IRAK2: variants seen among roughly 807,000 people sequenced by gnomAD.
IRAK2 encodes interleukin-1 receptor-associated kinase-like 2.
IRAK2 carries 57 observed loss-of-function variants against 72.0 expected under a neutral mutation model. That is an observed-to-expected ratio of 0.79 (90% CI 0.64 to 0.99). The LOEUF is 0.99. IRAK2 is among the 50% of genes least tolerant of loss of function. The pLI is 0.00. For synonymous variants in IRAK2, 293 were observed against 312.7 expected, an observed-to-expected ratio of 0.94 and a Z score of 0.67; for missense variants, 790 against 794.4, an observed-to-expected ratio of 0.99 and a Z score of 0.07.
rs747120895 is a variant in IRAK2, at chr3:10,238,732, C to A, written c.1474-16C>A. On this transcript the variant is annotated splice_polypyrimidine_tract_variant and intron_variant, in intron 11 of 12. Coordinates refer to ENST00000256458, the MANE Select transcript of IRAK2 (RefSeq NM_001570.4). ...GAGAATTCCTGATGAGCTCCCTTCT[C>A]TCTCTTCTCCCAAAGGTGTGTGGCT... 2 of 1,609,576 alleles carry A rather than the reference C, an allele frequency of 1.2e-6. No homozygotes were observed. The highest frequency in any genetic ancestry group is 2.2e-5 in the South Asian group (2 of 90,952).
At chr3:10,197,724 C>T (rs368874259) in intron 2 of IRAK2, among the ~76,000 whole-genome samples, 2 of 148,066 alleles carry the variant, frequency 1.4e-5, no homozygotes, top group Non-Finnish European at 3.0e-5. Flanking sequence ...TGGTGGTGGG[C>T]GCCTATAGTC....
At chr3:10,238,093 T>TAC (rs1013633252) in intron 11 of IRAK2, among the ~76,000 whole-genome samples, 12 of 151,656 alleles carry the variant, frequency 7.9e-5, no homozygotes, top group Non-Finnish European at 1.3e-4. Flanking sequence ...CTTAAACTCT[T>TAC]ACACACACAC....
At chr3:10,213,047 C>T (rs1487125367) in intron 4 of IRAK2, among the ~76,000 whole-genome samples, 160 bp from the exon 5 acceptor site, 4 of 152,020 alleles carry the variant, frequency 2.6e-5, no homozygotes, top group African/African-American at 4.8e-5. Context: ...GGATTACAGG[C>T]GTGAGCCACC....
chr3:10,202,861 T>G (rs1047145613), intron 3 of IRAK2, among the ~76,000 whole-genome samples: 4 of 152,000 alleles, frequency 2.6e-5, no homozygotes, highest in Non-Finnish European at 5.9e-5. Flanking sequence ...CCGGCTAATT[T>G]TTTATTTTTG....
At chr3:10,237,271 A>C (rs770836685) in intron 11 of IRAK2, among the ~76,000 whole-genome samples, 6 of 152,158 alleles carry the variant, frequency 3.9e-5, no homozygotes, top group Non-Finnish European at 8.8e-5. Flanking sequence ...ACGTAAAATA[A>C]AGGGGATAGG....
chr3:10,193,376 G>C (rs1697205915), intron 2 of IRAK2, among the ~76,000 whole-genome samples: 1 of 152,134 alleles, frequency 6.6e-6, no homozygotes, highest in Admixed American at 6.5e-5. Context: ...GGCCAAGGCA[G>C]GTAGATTGCT....
rs201536577 is a variant in IRAK2, at chr3:10,215,775, G to C, written c.789-1159G>C. Among the ~76,000 whole-genome samples the C allele has an allele frequency of 2.9e-3, 322 of 111,570 alleles. 1 individual carries two copies. The highest frequency in any genetic ancestry group is 9.5e-3 in the African/African-American group (278 of 29,132). 73.2% of individuals were successfully genotyped at this position (111,570 alleles called of 152,430 possible). A position where few individuals can be genotyped will look rare whatever the true frequency, so the allele number is the denominator to read the frequency against. ...GTACACACACACACACACACACACA[G>C]ATACACACACACACATACATCTAAT... On this transcript the variant is annotated intron_variant, in intron 6 of 12. Transcript: ENST00000256458.
At chr3:10,190,157 A>G (rs530499852) in intron 2 of IRAK2, among the ~76,000 whole-genome samples, 27 of 150,822 alleles carry the variant, frequency 1.8e-4, no homozygotes, top group African/African-American at 5.9e-4. Context: ...GCTTCTTGGT[A>G]GGTTACTAGA....
intron 10 of IRAK2, among the ~76,000 whole-genome samples, chr3:10,228,821 G>T (rs1049752005): frequency 6.6e-6 from 1 of 152,100 alleles, no homozygotes; most frequent in African/African-American, 2.4e-5. Flanking sequence ...GGCATTTGGT[G>T]GTTTCCACCT....
In IRAK2 at chr3:10,165,043, AGT is replaced by A. The variant is rs767379826; in HGVS notation, c.90_91del (p.Glu30AspfsTer68). On this transcript the variant is annotated frameshift_variant, in exon 1 of 13. Coordinates refer to ENST00000256458, the MANE Select transcript of IRAK2 (RefSeq NM_001570.4). LOFTEE classifies it high-confidence loss of function. Reference sequence around the variant, plus strand: ...GCGCTCAGCGAGTGGGACTGGATGGAGTTCGGTGAGTGCGGCCCGGGGAGGGG... The same window carrying A: ...GCGCTCAGCGAGTGGGACTGGATGGATCGGTGAGTGCGGCCCGGGGAGGGG... 418 of 1,610,186 alleles carry A rather than the reference AGT, an allele frequency of 2.6e-4. No individual in the cohort carries two copies. Among genetic ancestry groups the A allele is most frequent in the Non-Finnish European group, 3.4e-4 (398 of 1,179,048 alleles).
chr3:10,243,322 C>G lies in IRAK2; in HGVS notation c.*1094C>G, dbSNP rs764150424. ...TGTTGGGATTACAGGCTTGAGCCAC[C>G]GCACCCGGCCGAGAATATGTGTTGT... is the stretch of plus-strand genomic sequence containing the variant. On this transcript the variant is annotated 3_prime_UTR_variant, in exon 13 of 13. Transcript: ENST00000256458. 1 of 152,610 alleles carries G rather than the reference C, an allele frequency of 6.6e-6. No homozygotes were observed. The highest frequency in any genetic ancestry group is 1.5e-5 in the Non-Finnish European group (1 of 68,052). The allele number at this position is 152,610 out of a possible 1,614,324, so 9.5% of individuals were successfully genotyped here. A position where few individuals can be genotyped will look rare whatever the true frequency, so the allele number is the denominator to read the frequency against.
chr3:10,208,257 G>A (rs945722351), intron 3 of IRAK2, among the ~76,000 whole-genome samples: 1 of 151,946 alleles, frequency 6.6e-6, no homozygotes, highest in African/African-American at 2.4e-5. Context: ...ATGGTGCAGT[G>A]GTACCTTATT....
intron 1 of IRAK2, among the ~76,000 whole-genome samples, chr3:10,167,682 T>G (rs1696719206): frequency 6.6e-6 from 1 of 152,234 alleles, no homozygotes; most frequent in African/African-American, 2.4e-5. Context: ...CCCAAAGTGC[T>G]GGGATTACAG....
At chr3:10,214,808 T>C (rs1697577520) in intron 6 of IRAK2, among the ~76,000 whole-genome samples, 4 of 151,666 alleles carry the variant, frequency 2.6e-5, no homozygotes. Context: ...ACAAAAACTT[T>C]TTTTGGCTGG....
In IRAK2 at chr3:10,238,729, T is replaced by C. The variant is rs780254460; in HGVS notation, c.1474-19T>C. 6.2e-7 allele frequency: 1 copy of C among 1,608,682 alleles called. No individual in the cohort carries two copies. The highest frequency in any genetic ancestry group is 1.7e-5 in the Admixed American group (1 of 59,306). On this transcript the variant is annotated intron_variant, in intron 11 of 12. Transcript: ENST00000256458. ...AGAGAGAATTCCTGATGAGCTCCCTTCTCTCTCTTCTCCCAAAGGTGTGTG... is the reference window on the plus strand; with the variant it reads ...AGAGAGAATTCCTGATGAGCTCCCTCCTCTCTCTTCTCCCAAAGGTGTGTG...
At chr3:10,177,616 G>A (rs2125142388) in intron 1 of IRAK2, among the ~76,000 whole-genome samples, 1 of 152,336 alleles carries the variant, frequency 6.6e-6, no homozygotes, top group African/African-American at 2.4e-5. Context: ...CTGTCCCGTG[G>A]TCTTTCTCCT....
In IRAK2 at chr3:10,217,036, AC is replaced by A. The variant is rs1378026544; in HGVS notation, c.892del (p.Leu298CysfsTer72). On this transcript the variant is annotated frameshift_variant, in exon 7 of 13. Coordinates refer to ENST00000256458, the MANE Select transcript of IRAK2 (RefSeq NM_001570.4). LOFTEE classifies it high-confidence loss of function. ...YMANGSLQDR[L>X]QGQGGSDPLP... ...TGGCAAATGGTTCCCTACAGGACAG[AC>A]TGCAGGGTCAGGTAAGGGACTGGGT... 6.2e-6 allele frequency: 10 copies of A among 1,609,392 alleles called. No homozygotes were observed. The highest frequency in any genetic ancestry group is 8.5e-6 in the Non-Finnish European group (10 of 1,175,736).
In IRAK2 at chr3:10,164,924, T is replaced by A. The variant is rs1460144841; in HGVS notation, c.-31T>A. The A allele has an allele frequency of 5.9e-6, 9 of 1,529,542 alleles. No individual in the cohort carries two copies. Among genetic ancestry groups the A allele is most frequent in the Middle Eastern group, 2.3e-4 (1 of 4,338 alleles). The allele number at this position is 1,529,542 out of a possible 1,614,324, so 94.7% of individuals were successfully genotyped here. On this transcript the variant is annotated 5_prime_UTR_variant, in exon 1 of 13. Coordinates refer to ENST00000256458, the MANE Select transcript of IRAK2 (RefSeq NM_001570.4). ...CAGCCCGCAGTGTCCGACCCAGTCG[T>A]CCCGCGCCGGAGCCGGCCCCGTAGC...
Position 10,213,408 on chromosome 3 carries a change from A to T in IRAK2, c.723+7A>T. The T allele has an allele frequency of 1.2e-6, 2 of 1,613,760 alleles. No individual in the cohort carries two copies. Among genetic ancestry groups the T allele is most frequent in the Non-Finnish European group, 8.5e-7 (1 of 1,179,806 alleles). On this transcript the variant is annotated splice_region_variant and intron_variant, in intron 5 of 12. Transcript: ENST00000256458. ...CTTCAAGAAGCTCAGAGAGGTGAGC[A>T]CTTCTTGGTTTCTAGTGGGGGTGGA...
Sources: gnomAD v4.1 joint callset for allele counts (sites outside exome capture counted in the v4.1 genomes callset) on GRCh38, gnomAD v4.1.1 for gene constraint, MANE v1.5 for transcripts, NCBI Gene and HGNC (gene_info 2026-07-23, HGNC 2026-07-21) for gene names.